Variants in LSP1 observed in about 807,000 individuals in gnomAD.
LSP1 encodes the protein lymphocyte-specific protein 1.
A neutral mutation model predicts 49.3 loss-of-function variants in LSP1; 32 were observed. The ratio of observed to expected loss-of-function variants is 0.65; its 90% CI spans 0.49 to 0.87. The LOEUF (loss-of-function observed/expected upper bound fraction) is 0.87, where lower values mean the gene tolerates loss of function less well. Among genes scored for constraint, LSP1 ranks in the 40% least tolerant of loss-of-function variants. The pLI is 0.00. For synonymous variants in LSP1, 179 were observed against 178.8 expected, an observed-to-expected ratio of 1.00 and a Z score of -0.01; for missense variants, 428 against 442.6, an observed-to-expected ratio of 0.97 and a Z score of 0.30.
chr11:1,873,331 TC>T (rs1456360326), intron 1 of LSP1, among the ~76,000 whole-genome samples: 2 of 151,948 alleles, frequency 1.3e-5, no homozygotes, highest in Non-Finnish European at 2.9e-5. Context: ...CAGGAGCCCC[TC>T]CTTTGAGAGA....
intron 1 of LSP1, among the ~76,000 whole-genome samples, chr11:1,873,588 G>A (rs1279512747): frequency 6.6e-6 from 1 of 150,808 alleles, no homozygotes; most frequent in African/African-American, 2.4e-5. Context: ...GGAGGAAGAA[G>A]GGAGGATGGA....
intron 1 of LSP1, among the ~76,000 whole-genome samples, chr11:1,856,336 C>T (rs185518403): frequency 3.3e-5 from 5 of 152,248 alleles, no homozygotes; most frequent in Admixed American, 6.5e-5. Flanking sequence ...GAACTCACTT[C>T]CCATCCCACC....
chr11:1,885,760 A>G (rs1354876497), intron 7 of LSP1, among the ~76,000 whole-genome samples: 1 of 151,418 alleles, frequency 6.6e-6, no homozygotes, highest in Non-Finnish European at 1.5e-5. Flanking sequence ...GCACTCCTCT[A>G]TCTTACCAGT....
At chr11:1,854,230 G>T (rs770346912) in intron 1 of LSP1, among the ~76,000 whole-genome samples, 3 of 152,146 alleles carry the variant, frequency 2.0e-5, no homozygotes, top group Non-Finnish European at 4.4e-5. Flanking sequence ...GGAAGGGAAG[G>T]CGCTGGGGCC....
chr11:1,890,287 G>A (rs1019595509), intron 10 of LSP1: 38 of 712,074 alleles, frequency 5.3e-5, no homozygotes, highest in African/African-American at 1.6e-4. Context: ...TCGGCGGGGC[G>A]TGGGGCTTCA....
In LSP1 at chr11:1,890,192, C is replaced by T. The variant is rs1393729874; in HGVS notation, c.*14-1581C>T. The T allele has an allele frequency of 9.8e-6, 7 of 716,742 alleles. 1 individual carries two copies. Among genetic ancestry groups the T allele is most frequent in the South Asian group, 3.0e-5 (2 of 67,604 alleles). 44.4% of individuals were successfully genotyped at this position (716,742 alleles called of 1,614,324 possible). A position where few individuals can be genotyped will look rare whatever the true frequency, so the allele number is the denominator to read the frequency against. Reference sequence around the variant, plus strand: ...TGCGCTGGGTGAGGCCGATGGAGAACGTGGACTTCTGCAGGGGTGATGCCA... The same window carrying T: ...TGCGCTGGGTGAGGCCGATGGAGAATGTGGACTTCTGCAGGGGTGATGCCA... On this transcript the variant is annotated intron_variant, in intron 10 of 10. Transcript: ENST00000311604.
intron 1 of LSP1, chr11:1,870,684 G>A: frequency 9.6e-7 from 1 of 1,041,394 alleles, no homozygotes; most frequent in Non-Finnish European, 1.2e-6. Flanking sequence ...TCTGAATAAT[G>A]TATGAAGCCT....
At chr11:1,878,434 G>A (rs549129173) in intron 1 of LSP1, among the ~76,000 whole-genome samples, 1 of 152,204 alleles carries the variant, frequency 6.6e-6, no homozygotes, top group African/African-American at 2.4e-5. Flanking sequence ...GGGGCCGGGA[G>A]TTGAAGGCAC....
intron 8 of LSP1, 81 bp downstream of exon 8, chr11:1,886,947 G>A: frequency 6.6e-7 from 1 of 1,524,242 alleles, no homozygotes; most frequent in South Asian, 1.2e-5. Flanking sequence ...TCCTTGTTAA[G>A]ACAAGCATGG....
At position 1,880,241 on chromosome 11, in the gene LSP1, C is replaced by T. The variant is rs200822258; in HGVS notation, c.191+17C>T. Reference sequence around the variant, plus strand: ...GGAGATGCTGTGAGCAGCCCCATAACGCGTGCCTGGGCTCTAGCCCCTATC... The same window carrying T: ...GGAGATGCTGTGAGCAGCCCCATAATGCGTGCCTGGGCTCTAGCCCCTATC... On this transcript the variant is annotated intron_variant, in intron 2 of 10. Transcript: ENST00000311604. 2.2e-4 allele frequency: 338 copies of T among 1,567,698 alleles called. 2 individuals are homozygous for T. The East Asian group carries it at 4.3e-3, about 20-fold the overall frequency.
chr11:1,874,159 G>A (rs1848203164), intron 1 of LSP1, among the ~76,000 whole-genome samples: 1 of 99,490 alleles, frequency 1.0e-5, no homozygotes, highest in African/African-American at 4.2e-5. Context: ...GGGGCAGGCC[G>A]GGGACAGTGG....
chr11:1,865,719 A>G (rs904038470), intron 1 of LSP1, among the ~76,000 whole-genome samples: 2 of 151,362 alleles, frequency 1.3e-5, no homozygotes, highest in African/African-American at 2.4e-5. Context: ...CCCGAGCCCC[A>G]GGGATTCTGC....
chr11:1,890,018 T>C (rs1247497593), intron 10 of LSP1: 1 of 678,186 alleles, frequency 1.5e-6, no homozygotes. Context: ...TCCCATTGTG[T>C]GGGGATGGTG....
In LSP1 at chr11:1,875,813, G is replaced by A. The variant is rs1257913327; in HGVS notation, c.54-4274G>A. ...CAGGCGGACGGCGCATGCCCCTCCC[G>A]CTGCCCCACCTGTCACCCACCTGCT... On this transcript the variant is annotated intron_variant, in intron 1 of 10. Coordinates refer to ENST00000311604, the MANE Select transcript of LSP1 (RefSeq NM_002339.3). 2.6e-5 allele frequency among the ~76,000 whole-genome samples: 4 copies of A among 152,272 alleles called. No homozygotes were observed. In the East Asian group the frequency reaches 7.7e-4, roughly 29 times the overall value.
chr11:1,875,363 C>G (rs554371751), intron 1 of LSP1, among the ~76,000 whole-genome samples: 1 of 152,162 alleles, frequency 6.6e-6, no homozygotes, highest in Non-Finnish European at 1.5e-5. Context: ...TAACAGGAGG[C>G]GGGGGACCCA....
At chr11:1,876,881 C>A (rs1848332243) in intron 1 of LSP1, among the ~76,000 whole-genome samples, 1 of 152,164 alleles carries the variant, frequency 6.6e-6, no homozygotes, top group African/African-American at 2.4e-5. Flanking sequence ...TGGCTGGGGG[C>A]CAGGCCCCGA....
intron 10 of LSP1, chr11:1,891,022 G>A (rs777935138): frequency 3.6e-5 from 6 of 164,576 alleles, no homozygotes; most frequent in Non-Finnish European, 8.0e-5. Flanking sequence ...CTGGAAGAGC[G>A]GCTGCCCCCA....
chr11:1,865,523 C>A (rs548398174), intron 1 of LSP1, among the ~76,000 whole-genome samples: 1 of 151,272 alleles, frequency 6.6e-6, no homozygotes, highest in Non-Finnish European at 1.5e-5. Flanking sequence ...GCTGCGCTGT[C>A]GCCTGCTCAC....
At chr11:1,888,131 A>G (rs1848832943) in intron 10 of LSP1, among the ~76,000 whole-genome samples, 2 of 152,028 alleles carry the variant, frequency 1.3e-5, no homozygotes, top group African/African-American at 4.8e-5. Flanking sequence ...CTCCATTTCC[A>G]GCACCCATCA....
Sources: gnomAD v4.1 joint callset for allele counts (sites outside exome capture counted in the v4.1 genomes callset) on GRCh38, gnomAD v4.1.1 for gene constraint, MANE v1.5 for transcripts, NCBI Gene and HGNC (gene_info 2026-07-23, HGNC 2026-07-21) for gene names.